Variants in PIP5K1B observed in about 807,000 individuals in gnomAD.
The protein encoded by PIP5K1B is phosphatidylinositol 4-phosphate 5-kinase type-1 beta.
A neutral mutation model predicts 67.0 loss-of-function variants in PIP5K1B; 42 were observed. That is an observed-to-expected ratio of 0.63 (90% CI 0.49 to 0.81). PIP5K1B has a LOEUF of 0.81. Ranked by LOEUF, PIP5K1B falls within the 30% of genes least tolerant of loss-of-function variation. PIP5K1B has a pLI of 0.00. For synonymous variants in PIP5K1B, 214 were observed against 231.4 expected (o/e 0.92, Z 0.68); for missense variants, 459 against 646.3 (o/e 0.71, Z 3.14).
chr9:68,722,974 C>A lies in PIP5K1B; in HGVS notation c.-243+17212C>A, dbSNP rs145555018. Among the ~76,000 whole-genome samples, 65 of 152,314 alleles carry A rather than the reference C, an allele frequency of 4.3e-4. No homozygotes were observed. In the East Asian group the frequency reaches 0.012, roughly 29 times the overall value. On this transcript the variant is annotated intron_variant, in intron 1 of 15. Transcript: ENST00000265382. ...GTCTCCCCTACCCTTCACAGCCTCT[C>A]ATAACTATCATTTTATTCTCTACCT...
At chr9:68,809,996 T>C (rs1213205604) in intron 2 of PIP5K1B, among the ~76,000 whole-genome samples, 1 of 152,120 alleles carries the variant, frequency 6.6e-6, no homozygotes, top group Non-Finnish European at 1.5e-5. Flanking sequence ...AATGAAAGAG[T>C]GAATTTATTT....
At position 68,874,738 on chromosome 9, in the gene PIP5K1B, C is replaced by T. The variant is rs190546258; in HGVS notation, c.201-1939C>T. Among the ~76,000 whole-genome samples, 533 of 152,202 alleles carry T rather than the reference C, an allele frequency of 3.5e-3. 1 individual carries two copies. Among genetic ancestry groups the T allele is most frequent in the African/African-American group, 0.012 (492 of 41,510 alleles). ...CTTTGAATGTTGAAGGAAATCTGCTCCAGTAGAATGAGTTACTTTGTATGG... is the reference window on the plus strand; with the variant it reads ...CTTTGAATGTTGAAGGAAATCTGCTTCAGTAGAATGAGTTACTTTGTATGG... On this transcript the variant is annotated intron_variant, in intron 5 of 15. Coordinates refer to ENST00000265382, the MANE Select transcript of PIP5K1B (RefSeq NM_003558.4).
chr9:68,980,173 C>G (rs1281469476), intron 14 of PIP5K1B, among the ~76,000 whole-genome samples: 1 of 152,200 alleles, frequency 6.6e-6, no homozygotes, highest in Admixed American at 6.5e-5. Context: ...AATTTCCACA[C>G]CCTGTAGTAT....
chr9:68,841,649 CAAAA>C (rs912481861), intron 4 of PIP5K1B, among the ~76,000 whole-genome samples: 2 of 151,268 alleles, frequency 1.3e-5, no homozygotes, highest in East Asian at 3.9e-4. Context: ...TAACTTGGGA[CAAAA>C]AAAAGGAATA....
chr9:68,952,826 C>CCTTA (rs1828156538), intron 14 of PIP5K1B, among the ~76,000 whole-genome samples: 1 of 146,634 alleles, frequency 6.8e-6, no homozygotes, highest in Non-Finnish European at 1.5e-5. Flanking sequence ...TGCCTGCCTG[C>CCTTA]CTTCCTTCCT....
chr9:68,937,092 C>G (rs969912381), intron 13 of PIP5K1B, among the ~76,000 whole-genome samples: 1 of 152,076 alleles, frequency 6.6e-6, no homozygotes. Context: ...GTGTCTCTGC[C>G]AGATTTTGGT....
chr9:68,906,991 C>A (rs1040847502), intron 8 of PIP5K1B, among the ~76,000 whole-genome samples: 6 of 152,172 alleles, frequency 3.9e-5, no homozygotes, highest in Non-Finnish European at 7.3e-5. Flanking sequence ...AGCAGTGATT[C>A]CAGATTGCAG....
At chr9:68,927,518 G>A (rs998527878) in intron 12 of PIP5K1B, among the ~76,000 whole-genome samples, 3 of 152,100 alleles carry the variant, frequency 2.0e-5, no homozygotes, top group Non-Finnish European at 2.9e-5. Context: ...TTTCTCTAAT[G>A]ACTAATGGTA....
chr9:68,996,558 G>A (rs962982807), intron 15 of PIP5K1B, among the ~76,000 whole-genome samples: 2 of 152,184 alleles, frequency 1.3e-5, no homozygotes, highest in East Asian at 3.8e-4. Context: ...TTTAAAATGG[G>A]CAATCACGCA....
In PIP5K1B at chr9:68,973,146, G is replaced by A. The variant is rs550447500; in HGVS notation, c.1503-17994G>A. Reference sequence around the variant, plus strand: ...GGGAGACCACAAGGCAAGAACTAAAGCCTTCCAGTGCCTGCTCCCGCAACA... The same window carrying A: ...GGGAGACCACAAGGCAAGAACTAAAACCTTCCAGTGCCTGCTCCCGCAACA... On this transcript the variant is annotated intron_variant, in intron 14 of 15. Transcript: ENST00000265382. Among the ~76,000 whole-genome samples, 8 of 152,294 alleles carry A rather than the reference G, an allele frequency of 5.3e-5. No individual in the cohort carries two copies. The South Asian group carries it at 1.7e-3, about 32-fold the overall frequency.
At chr9:68,972,470 G>A (rs982093497) in intron 14 of PIP5K1B, among the ~76,000 whole-genome samples, 2 of 151,986 alleles carry the variant, frequency 1.3e-5, no homozygotes, top group Non-Finnish European at 2.9e-5. Context: ...GTAAAACCCC[G>A]TCTCTACAAA....
intron 2 of PIP5K1B, chr9:68,788,695 G>T: frequency 4.0e-6 from 1 of 251,076 alleles, no homozygotes. Flanking sequence ...CTTTGTCGTG[G>T]AGTCAGGCTC....
chr9:68,989,063 C>T (rs1358703582), intron 14 of PIP5K1B, among the ~76,000 whole-genome samples: 3 of 127,682 alleles, frequency 2.3e-5, no homozygotes, highest in African/African-American at 6.2e-5. Context: ...CCATTGCACT[C>T]CAGCCTGGCT....
chr9:68,867,713 A>C (rs1463437389), intron 5 of PIP5K1B, among the ~76,000 whole-genome samples: 1 of 152,238 alleles, frequency 6.6e-6, no homozygotes, highest in Non-Finnish European at 1.5e-5. Flanking sequence ...AACTTCAATA[A>C]ATCAGTCAAA....
intron 1 of PIP5K1B, among the ~76,000 whole-genome samples, chr9:68,711,967 C>T (rs1395788292): frequency 1.3e-5 from 2 of 152,170 alleles, no homozygotes; most frequent in African/African-American, 4.8e-5. Context: ...AGGAGACCTT[C>T]TCCATATGTT....
intron 4 of PIP5K1B, among the ~76,000 whole-genome samples, chr9:68,826,800 G>T (rs1834009174): frequency 6.6e-6 from 1 of 152,104 alleles, no homozygotes; most frequent in Non-Finnish European, 1.5e-5. Context: ...CGCCCAGGCT[G>T]GAGTGCAGTG....
At chr9:68,882,882 G>A (rs1349306007) in intron 6 of PIP5K1B, among the ~76,000 whole-genome samples, 2 of 152,140 alleles carry the variant, frequency 1.3e-5, no homozygotes, top group East Asian at 1.9e-4. Context: ...GAATGTTTTA[G>A]TGTCTCTTTG....
At position 68,705,501 on chromosome 9, in the gene PIP5K1B, C is replaced by A. The variant is rs1269638738; in HGVS notation, c.-504C>A. On this transcript the variant is annotated 5_prime_UTR_variant, in exon 1 of 16. Coordinates refer to ENST00000265382, the MANE Select transcript of PIP5K1B (RefSeq NM_003558.4). ...CCGCGGCGCGCGCGCACTGCACACT[C>A]GTAGCCGCGCGCCCCCGCCAAGGCG... The A allele has an allele frequency of 6.6e-6, 1 of 151,136 alleles. No homozygotes were observed. The allele number at this position is 151,136 out of a possible 1,614,324, so 9.4% of individuals were successfully genotyped here. A position where few individuals can be genotyped will look rare whatever the true frequency, so the allele number is the denominator to read the frequency against.
intron 2 of PIP5K1B, among the ~76,000 whole-genome samples, chr9:68,754,448 C>G (rs370772900): frequency 6.6e-6 from 1 of 152,048 alleles, no homozygotes; most frequent in South Asian, 2.1e-4. Flanking sequence ...GGATTACAGG[C>G]GTGAGCCACC....
Sources: gnomAD v4.1 joint callset for allele counts (sites outside exome capture counted in the v4.1 genomes callset) on GRCh38, gnomAD v4.1.1 for gene constraint, MANE v1.5 for transcripts, NCBI Gene and HGNC (gene_info 2026-07-23, HGNC 2026-07-21) for gene names.